Variants in TUT1 observed in about 807,000 individuals in gnomAD.
TUT1 encodes speckle targeted PIP5K1A-regulated poly(A) polymerase.
Under a neutral mutation model 48.8 loss-of-function variants are expected in TUT1, and 26 were observed. The observed-to-expected ratio is 0.53, with a 90% confidence interval of 0.39 to 0.74. The LOEUF (loss-of-function observed/expected upper bound fraction) is 0.74. Ranked by LOEUF, TUT1 falls within the 30% of genes least tolerant of loss-of-function variation. TUT1 has a pLI of 0.00. For synonymous variants in TUT1, 470 were observed against 460.8 expected, an observed-to-expected ratio of 1.02 and a Z score of -0.26; for missense variants, 1,065 against 1,114.8, an observed-to-expected ratio of 0.96 and a Z score of 0.64.
In TUT1 at chr11:62,581,308, C is replaced by T. The variant is rs982016195; in HGVS notation, c.589+78G>A. On this transcript the variant is annotated intron_variant, in intron 3 of 8. Coordinates refer to ENST00000476907, the MANE Select transcript of TUT1 (RefSeq NM_022830.3). ...TGGAAGAGCAACCAAACACCTCTAG[C>T]GGAGGAAGGACTGGGGATACAGACA... 1.9e-5 allele frequency: 29 copies of T among 1,557,658 alleles called. No individual in the cohort carries two copies. The East Asian group carries it at 3.4e-4, about 18-fold the overall frequency.
chr11:62,581,288 G>A (rs970636524), intron 3 of TUT1, 82 bp from the exon 4 acceptor site: 1 of 1,567,534 alleles, frequency 6.4e-7, no homozygotes, highest in Non-Finnish European at 8.7e-7. Context: ...AAAGATGGAA[G>A]AGCAACCAAA....
chr11:62,576,397 CAA>C (rs2134302959), intron 8 of TUT1, 153 bp from the exon 9 acceptor site: 1 of 1,017,338 alleles, frequency 9.8e-7, no homozygotes. Flanking sequence ...TCCCTATAAA[CAA>C]GAGGTCAAAC....
intron 1 of TUT1, among the ~76,000 whole-genome samples, chr11:62,589,806 T>C (rs912951169): frequency 3.9e-5 from 6 of 152,244 alleles, no homozygotes; most frequent in African/African-American, 1.4e-4. Context: ...TGGTATAATA[T>C]AGTGATGTCA....
rs555226034 is a variant in TUT1 at position 62,579,953 on chromosome 11, C to G, written c.691-923G>C. Reference sequence around the variant, plus strand: ...GTGCTGGCATTACACAGGCGTGAACCACCGCGCCCGGCCAAGTCTATTTTT... The same window carrying G: ...GTGCTGGCATTACACAGGCGTGAACGACCGCGCCCGGCCAAGTCTATTTTT... On this transcript the variant is annotated intron_variant, in intron 4 of 8. Transcript: ENST00000476907. 1.1e-4 allele frequency among the ~76,000 whole-genome samples: 17 copies of G among 151,948 alleles called. No homozygotes were observed. The South Asian group carries it at 3.1e-3, about 28-fold the overall frequency.
chr11:62,576,045 C>G lies in TUT1; in HGVS notation c.1674G>C (p.Arg558=), dbSNP rs1231557069. The change falls in exon 9 of 9, where the codon CGG becomes CGC. Residue 558 remains arginine, a synonymous_variant. Coordinates refer to ENST00000476907, the MANE Select transcript of TUT1 (RefSeq NM_022830.3). The part of the protein sequence containing the change: ...SHNVAANVTS[R]VAGRLQNCCR... ...AGCAGTTCTGTAGGCGCCCAGCCACCCGGCTGGTCACATTGGCTGCGACAT... is the reference window on the plus strand; with the variant it reads ...AGCAGTTCTGTAGGCGCCCAGCCACGCGGCTGGTCACATTGGCTGCGACAT... The G allele has an allele frequency of 1.2e-6, 2 of 1,613,708 alleles. No homozygotes were observed. Among genetic ancestry groups the G allele is most frequent in the Non-Finnish European group, 1.7e-6 (2 of 1,180,036 alleles).
At chr11:62,583,593 C>T (rs913170720) in intron 2 of TUT1, among the ~76,000 whole-genome samples, 5 of 151,552 alleles carry the variant, frequency 3.3e-5, no homozygotes, top group Non-Finnish European at 5.9e-5. Context: ...ACAACAAGAG[C>T]GAATCTCCGT....
chr11:62,575,233 A>G lies in TUT1; in HGVS notation c.2486T>C (p.Leu829Pro), dbSNP rs761135793. Residue 829 changes from leucine to proline, a missense_variant, in exon 9 of 9, where the codon CTG (leucine) becomes CCG (proline). By Grantham distance (98) the Leu-to-Pro change is moderately conservative. Transcript: ENST00000476907. Reference sequence around the variant, plus strand: ...GGAGACAGACGCCACAAAGCTCAGCAGGGGCTCAGTTTCTGGCCTCTCTTC... The same window carrying G: ...GGAGACAGACGCCACAAAGCTCAGCGGGGGCTCAGTTTCTGGCCTCTCTTC... ...GGEERPETEP[L>P]LSFVASVSPA... The G allele has an allele frequency of 6.2e-7, 1 of 1,614,138 alleles. No individual in the cohort carries two copies. The highest frequency in any genetic ancestry group is 8.5e-7 in the Non-Finnish European group (1 of 1,179,974).
At chr11:62,579,827 G>A (rs1367572638) in intron 4 of TUT1, among the ~76,000 whole-genome samples, 7 of 151,842 alleles carry the variant, frequency 4.6e-5, no homozygotes, top group East Asian at 1.9e-4. Flanking sequence ...CACCATACCC[G>A]GCTGATTTTT....
intron 5 of TUT1, among the ~76,000 whole-genome samples, chr11:62,577,602 G>C (rs201355898): frequency 1.5e-5 from 2 of 135,014 alleles, no homozygotes; most frequent in African/African-American, 5.3e-5. Flanking sequence ...AAAAAAAAAA[G>C]ACTGCCCAGA....
intron 8 of TUT1, 176 bp from the exon 9 acceptor site, chr11:62,576,420 G>GC (rs1355960794): frequency 9.3e-6 from 8 of 861,098 alleles, no homozygotes; most frequent in Non-Finnish European, 1.2e-5. Flanking sequence ...CTCTCTCCCT[G>GC]CCCCCACATG....
At chr11:62,590,470 A>G (rs1941991869) in intron 1 of TUT1, among the ~76,000 whole-genome samples, 1 of 152,150 alleles carries the variant, frequency 6.6e-6, no homozygotes, top group African/African-American at 2.4e-5. Flanking sequence ...CCTCGTCTCT[A>G]CTAAAAAATA....
In TUT1 at chr11:62,576,251, G is replaced by A; in HGVS notation, c.1475-7C>T. 3.2e-6 allele frequency: 5 copies of A among 1,553,816 alleles called. No individual in the cohort carries two copies. Among genetic ancestry groups the A allele is most frequent in the Non-Finnish European group, 4.3e-6 (5 of 1,151,582 alleles). On this transcript the variant is annotated splice_region_variant and splice_polypyrimidine_tract_variant and intron_variant, in intron 8 of 8. Coordinates refer to ENST00000476907, the MANE Select transcript of TUT1 (RefSeq NM_022830.3). ...AACTGGGCTAGCAGGGAACCTGGAG[G>A]AGGAGGAAGAGTGGGGAAAGGGGGG...
intron 1 of TUT1, among the ~76,000 whole-genome samples, chr11:62,591,109 C>G (rs1037372611): frequency 6.6e-6 from 1 of 152,110 alleles, no homozygotes; most frequent in Admixed American, 6.5e-5. Context: ...CCCCCTCCCC[C>G]ACCCTAAAGA....
chr11:62,575,617 T>C lies in TUT1; in HGVS notation c.2102A>G (p.Gln701Arg), dbSNP rs764135661. The C allele has an allele frequency of 3.1e-6, 5 of 1,614,198 alleles. No individual in the cohort carries two copies. The South Asian group carries it at 5.5e-5, about 18-fold the overall frequency. ...CCCAGGGCTCTGCATGGCCCAGTCC[T>C]GCACCATCTCTCCAACCTCTATAAC... ...EMVIEVGEMV[Q>R]DWAMQSPGQP... The change falls in exon 9 of 9, where the codon CAG (glutamine) becomes CGG (arginine). Residue 701 changes from glutamine (Q) to arginine (R), a missense_variant. Gln to Arg is a conservative substitution (Grantham distance 43). Coordinates refer to ENST00000476907, the MANE Select transcript of TUT1 (RefSeq NM_022830.3).
chr11:62,585,618 C>T (rs893513407), intron 2 of TUT1, among the ~76,000 whole-genome samples: 10 of 151,708 alleles, frequency 6.6e-5, no homozygotes, highest in African/African-American at 2.2e-4. Context: ...GATCATGTGA[C>T]GCCAGGAGTT....
chr11:62,575,410 A>G lies in TUT1; in HGVS notation c.2309T>C (p.Leu770Ser), dbSNP rs1195680907. ...LPSSASWRCALWHRVWQGRRR... is the reference protein window; with the variant it reads ...LPSSASWRCASWHRVWQGRRR... ...CCGCCCTTGCCACACTCGGTGCCAC[A>G]AGGCACAGCGCCAGCTCGCTGAGGA... The change falls in exon 9 of 9, where the codon TTG becomes TCG. Residue 770 changes from leucine to serine, a missense_variant. Transcript: ENST00000476907. The G allele has an allele frequency of 2.0e-5, 33 of 1,611,764 alleles. No individual in the cohort carries two copies. In the East Asian group the frequency reaches 6.7e-4, roughly 33 times the overall value.
intron 8 of TUT1, 96 bp downstream of exon 8, chr11:62,576,561 T>C (rs1941731568): frequency 1.8e-6 from 2 of 1,117,950 alleles, no homozygotes; most frequent in Non-Finnish European, 2.7e-6. Flanking sequence ...ACAGGCTTTC[T>C]GTGAGAACCA....
intron 1 of TUT1, among the ~76,000 whole-genome samples, chr11:62,590,636 CAAAAAAAAAA>C (rs533721845): frequency 1.5e-5 from 1 of 66,406 alleles, no homozygotes; most frequent in Non-Finnish European, 3.2e-5. Flanking sequence ...GACTCTGTCT[CAAAAAAAAAA>C]AAAAAAGAAA....
chr11:62,581,347 G>A (rs750794625), intron 3 of TUT1, 39 bp downstream of exon 3: 1 of 1,572,566 alleles, frequency 6.4e-7, no homozygotes, highest in African/African-American at 1.4e-5. Flanking sequence ...GAGAGCAAAG[G>A]CCAGGGAGGG....
Sources: gnomAD v4.1 joint callset for allele counts (sites outside exome capture counted in the v4.1 genomes callset) on GRCh38, gnomAD v4.1.1 for gene constraint, MANE v1.5 for transcripts, NCBI Gene and HGNC (gene_info 2026-07-23, HGNC 2026-07-21) for gene names.